Variants in SPAG16 observed in about 807,000 individuals in gnomAD.
SPAG16 encodes the protein sperm associated antigen 16.
Under a neutral mutation model 80.4 loss-of-function variants are expected in SPAG16, and 86 were observed. The ratio of observed to expected loss-of-function variants is 1.07; its 90% CI spans 0.90 to 1.28. The LOEUF (loss-of-function observed/expected upper bound fraction) is 1.28. SPAG16 is among the 50% of genes most tolerant of loss of function. SPAG16 has a pLI of 0.00. For missense variants in SPAG16, 870 were observed against 765.3 expected (o/e 1.14, Z -1.61); for synonymous variants, 294 against 265.9 (o/e 1.11, Z -1.03).
chr2:213,709,839 C>CA (rs113185470), intron 10 of SPAG16, among the ~76,000 whole-genome samples: 140 of 152,278 alleles, frequency 9.2e-4, no homozygotes, highest in Middle Eastern at 3.4e-3. Flanking sequence ...TCTCAGAATA[C>CA]ACAGGTTTGA....
intron 15 of SPAG16, among the ~76,000 whole-genome samples, chr2:214,181,033 C>T (rs1481574075): frequency 1.3e-5 from 2 of 151,756 alleles, no homozygotes; most frequent in East Asian, 3.9e-4. Context: ...CAAAAGTAAA[C>T]AAGACTTCTG....
chr2:214,356,540 T>C (rs1374442154), intron 15 of SPAG16, among the ~76,000 whole-genome samples: 1 of 147,328 alleles, frequency 6.8e-6, no homozygotes, highest in Non-Finnish European at 1.5e-5. Context: ...TTTAAGTTTT[T>C]CTTTTCTTAT....
chr2:214,028,547 T>A (rs963555316), intron 13 of SPAG16, among the ~76,000 whole-genome samples: 8 of 152,072 alleles, frequency 5.3e-5, no homozygotes, highest in Non-Finnish European at 1.2e-4. Flanking sequence ...GATACATATA[T>A]CCTAATACTT....
intron 10 of SPAG16, among the ~76,000 whole-genome samples, chr2:213,750,095 G>A (rs1008638647): frequency 2.0e-5 from 3 of 152,086 alleles, no homozygotes; most frequent in Admixed American, 1.3e-4. Context: ...TAACTATGTC[G>A]ACTAATAGGC....
At chr2:214,301,922 A>G (rs1694578676) in intron 15 of SPAG16, among the ~76,000 whole-genome samples, 2 of 151,850 alleles carry the variant, frequency 1.3e-5, no homozygotes, top group Non-Finnish European at 2.9e-5. Flanking sequence ...AATACTAAAA[A>G]TTTTTTCATA....
At chr2:213,927,641 A>C (rs2078545481) in intron 11 of SPAG16, among the ~76,000 whole-genome samples, 1 of 152,228 alleles carries the variant, frequency 6.6e-6, no homozygotes, top group African/African-American at 2.4e-5. Context: ...TTGACTAAAT[A>C]TCAGTTACAG....
chr2:213,965,334 G>C (rs1048164069), intron 12 of SPAG16, among the ~76,000 whole-genome samples: 1 of 152,164 alleles, frequency 6.6e-6, no homozygotes, highest in African/African-American at 2.4e-5. Context: ...CAACCTCATC[G>C]TAAGTCGAGA....
chr2:214,361,167 T>C (rs1699157430), intron 15 of SPAG16, among the ~76,000 whole-genome samples: 1 of 151,906 alleles, frequency 6.6e-6, no homozygotes, highest in South Asian at 2.1e-4. Context: ...CACGATGTTC[T>C]CTCAGCTTGA....
intron 14 of SPAG16, among the ~76,000 whole-genome samples, chr2:214,137,045 T>C (rs1236710903): frequency 6.6e-6 from 1 of 152,158 alleles, no homozygotes; most frequent in African/African-American, 2.4e-5. Flanking sequence ...ACTTGACAGG[T>C]ACTGTGTGTG....
At chr2:214,166,276 T>C (rs1423049043) in intron 15 of SPAG16, among the ~76,000 whole-genome samples, 1 of 152,198 alleles carries the variant, frequency 6.6e-6, no homozygotes, top group Non-Finnish European at 1.5e-5. Flanking sequence ...ATCCATTCTA[T>C]GTTCTTCTCT....
At chr2:213,544,840 T>C (rs2076564826) in intron 10 of SPAG16, among the ~76,000 whole-genome samples, 2 of 152,148 alleles carry the variant, frequency 1.3e-5, no homozygotes, top group Non-Finnish European at 2.9e-5. Flanking sequence ...CCGTTTCTTT[T>C]TGAGACTTGA....
intron 15 of SPAG16, among the ~76,000 whole-genome samples, chr2:214,252,370 C>T (rs1396257360): frequency 7.2e-5 from 11 of 151,752 alleles, no homozygotes; most frequent in Admixed American, 2.6e-4. Context: ...TAGGTATACA[C>T]GTGCCATGGT....
At chr2:213,551,445 T>C (rs538014684) in intron 10 of SPAG16, among the ~76,000 whole-genome samples, 2 of 152,320 alleles carry the variant, frequency 1.3e-5, no homozygotes, top group South Asian at 4.1e-4. Flanking sequence ...GATTAGTCAA[T>C]GGGATTTTTA....
chr2:213,297,666 G>C (rs550152369), intron 3 of SPAG16, among the ~76,000 whole-genome samples: 3 of 152,216 alleles, frequency 2.0e-5, no homozygotes, highest in South Asian at 2.1e-4. Context: ...TTAGAATTTA[G>C]TGTCATATAC....
chr2:214,190,244 T>G (rs2057619256), intron 15 of SPAG16, among the ~76,000 whole-genome samples: 1 of 150,186 alleles, frequency 6.7e-6, no homozygotes. Context: ...GAAAGGTAGT[T>G]GACTAAGATT....
intron 11 of SPAG16, among the ~76,000 whole-genome samples, chr2:213,919,135 A>T (rs1329022970): frequency 6.6e-6 from 1 of 152,044 alleles, no homozygotes; most frequent in Non-Finnish European, 1.5e-5. Context: ...TTCATATCTC[A>T]ATGTCCTTAG....
chr2:214,066,677 A>G (rs1183398923), intron 13 of SPAG16, among the ~76,000 whole-genome samples: 1 of 152,164 alleles, frequency 6.6e-6, no homozygotes, highest in African/African-American at 2.4e-5. Flanking sequence ...AACACTCAAT[A>G]AACTCAAAAA....
intron 13 of SPAG16, among the ~76,000 whole-genome samples, chr2:214,020,016 T>G (rs912140717): frequency 6.6e-6 from 1 of 152,190 alleles, no homozygotes; most frequent in South Asian, 2.1e-4. Flanking sequence ...TTAACACTTA[T>G]TGAATATGTA....
intron 12 of SPAG16, among the ~76,000 whole-genome samples, chr2:213,993,559 A>C (rs1239679888): frequency 6.6e-6 from 1 of 152,216 alleles, no homozygotes; most frequent in Non-Finnish European, 1.5e-5. Flanking sequence ...AGGCCAAAAA[A>C]CAAGGGATAT....
Sources: allele counts gnomAD v4.1 joint callset (sites outside exome capture counted in the v4.1 genomes callset), GRCh38; gene constraint gnomAD v4.1.1; transcripts MANE v1.5; gene names NCBI Gene and HGNC (gene_info 2026-07-23, HGNC 2026-07-21).